Variants in BTRC observed in about 807,000 individuals in gnomAD.
BTRC encodes beta-transducin repeat containing E3 ubiquitin protein ligase, also known as F-box/WD repeat-containing protein 1A.
A neutral mutation model predicts 85.5 loss-of-function variants in BTRC; 42 were observed. The observed-to-expected ratio is 0.49, with a 90% CI of 0.38 to 0.64. The LOEUF (loss-of-function observed/expected upper bound fraction) is 0.64, where lower values mean the gene tolerates loss of function less well. BTRC is among the 30% of genes least tolerant of loss of function. The probability of loss-of-function intolerance (pLI) is 0.00; values close to 1 mark genes in which losing one functional copy is unlikely to be tolerated. For synonymous variants in BTRC, 255 were observed against 263.3 expected, an observed-to-expected ratio of 0.97 and a Z score of 0.30; for missense variants, 594 against 743.5, an observed-to-expected ratio of 0.80 and a Z score of 2.34.
intron 1 of BTRC, among the ~76,000 whole-genome samples, chr10:101,392,672 T>C (rs1211677383): frequency 6.6e-6 from 1 of 151,980 alleles, no homozygotes; most frequent in African/African-American, 2.4e-5. Flanking sequence ...GCTAATTTTT[T>C]TGTAGTTTTA....
chr10:101,363,726 G>C (rs1942282158), intron 1 of BTRC, among the ~76,000 whole-genome samples: 1 of 152,138 alleles, frequency 6.6e-6, no homozygotes, highest in South Asian at 2.1e-4. Context: ...CTTTGTAGAA[G>C]AAAGCTTCAT....
chr10:101,366,465 A>G (rs1249555323), intron 1 of BTRC, among the ~76,000 whole-genome samples: 1 of 152,100 alleles, frequency 6.6e-6, no homozygotes, highest in Non-Finnish European at 1.5e-5. Flanking sequence ...ATAGAATTTA[A>G]GAGAGGCGAC....
intron 3 of BTRC, among the ~76,000 whole-genome samples, chr10:101,468,257 A>G (rs903554482): frequency 6.6e-6 from 1 of 152,208 alleles, no homozygotes; most frequent in East Asian, 1.9e-4. Flanking sequence ...TGCAATGACC[A>G]TAAAGAGTGT....
intron 1 of BTRC, among the ~76,000 whole-genome samples, chr10:101,398,347 C>T (rs1366673572): frequency 6.6e-6 from 1 of 151,550 alleles, no homozygotes; most frequent in Non-Finnish European, 1.5e-5. Flanking sequence ...CTTGCTCTGT[C>T]GCTGGAGTAC....
chr10:101,503,160 T>A (rs1411990157), intron 4 of BTRC, among the ~76,000 whole-genome samples: 6 of 152,188 alleles, frequency 3.9e-5, no homozygotes, highest in Admixed American at 3.9e-4. Flanking sequence ...TATGATTTTT[T>A]AATGATATTC....
chr10:101,526,137 G>A lies in BTRC; in HGVS notation c.681G>A (p.Lys227=). ...CCTCTGATGGCATGCTGTGGAAGAAGCTTATCGAGAGAATGGTCAGGACAG... is the reference window on the plus strand; with the variant it reads ...CCTCTGATGGCATGCTGTGGAAGAAACTTATCGAGAGAATGGTCAGGACAG... ...RVTSDGMLWK[K]LIERMVRTDS... is the part of the protein sequence containing the mutation. The change falls in exon 6 of 15, where the codon AAG becomes AAA. Residue 227 remains lysine, a synonymous_variant. Coordinates refer to ENST00000370187, the MANE Select transcript of BTRC (RefSeq NM_033637.4). 6.2e-7 allele frequency: 1 copy of A among 1,614,194 alleles called. No individual in the cohort carries two copies.
chr10:101,440,919 CCTTA>C (rs1276994543), intron 2 of BTRC, among the ~76,000 whole-genome samples: 1 of 151,988 alleles, frequency 6.6e-6, no homozygotes, highest in Admixed American at 6.6e-5. Flanking sequence ...AGATTTTTGT[CCTTA>C]CTTAAAAATA....
chr10:101,394,046 A>G (rs1466721077), intron 1 of BTRC, among the ~76,000 whole-genome samples: 1 of 152,214 alleles, frequency 6.6e-6, no homozygotes, highest in African/African-American at 2.4e-5. Flanking sequence ...TAATTAAATG[A>G]TAGATTTTAT....
intron 1 of BTRC, among the ~76,000 whole-genome samples, chr10:101,418,341 C>A (rs530115717): frequency 6.6e-6 from 1 of 151,832 alleles, no homozygotes; most frequent in Non-Finnish European, 1.5e-5. Flanking sequence ...GCACTCCAGC[C>A]TGGGTGACAG....
chr10:101,475,067 T>C (rs1235750951), intron 3 of BTRC, among the ~76,000 whole-genome samples: 2 of 152,224 alleles, frequency 1.3e-5, no homozygotes, highest in Non-Finnish European at 2.9e-5. Flanking sequence ...AGTAAATGTT[T>C]GTGGAATTAG....
At chr10:101,426,733 A>G (rs969168721) in intron 1 of BTRC, among the ~76,000 whole-genome samples, 2 of 152,208 alleles carry the variant, frequency 1.3e-5, no homozygotes, top group Admixed American at 1.3e-4. Flanking sequence ...AGCATTCACA[A>G]AAATAAATAT....
chr10:101,519,115 G>C (rs1480396609), intron 4 of BTRC, among the ~76,000 whole-genome samples: 2 of 132,958 alleles, frequency 1.5e-5, no homozygotes, highest in African/African-American at 5.6e-5. Context: ...TTTCGCTCTC[G>C]TTGCCCAGGC....
At chr10:101,371,481 A>AT (rs1421013188) in intron 1 of BTRC, among the ~76,000 whole-genome samples, 2 of 152,024 alleles carry the variant, frequency 1.3e-5, no homozygotes, top group East Asian at 1.9e-4. Context: ...CCAGCCTTCT[A>AT]TTTTTTTTCC....
At chr10:101,391,529 A>G (rs1420168135) in intron 1 of BTRC, among the ~76,000 whole-genome samples, 3 of 152,230 alleles carry the variant, frequency 2.0e-5, no homozygotes, top group Admixed American at 1.3e-4. Context: ...TTCGTAGTTC[A>G]GCCTTCCCAA....
intron 10 of BTRC, 151 bp downstream of exon 10, chr10:101,535,061 T>G: frequency 1.1e-6 from 1 of 935,440 alleles, no homozygotes; most frequent in Non-Finnish European, 1.6e-6. Context: ...GTGTAATAAG[T>G]GAGACGTTGT....
At chr10:101,383,497 T>TTTTCTTCCTTTCTTCTTTTC (rs960782925) in intron 1 of BTRC, among the ~76,000 whole-genome samples, 1 of 152,148 alleles carries the variant, frequency 6.6e-6, no homozygotes, top group Non-Finnish European at 1.5e-5. Context: ...ATTTGGACCG[T>TTTTCTTCCTTTCTTCTTTTC]TTTCTTCCTT....
intron 7 of BTRC, 59 bp downstream of exon 7, chr10:101,531,392 A>C (rs1304235795): frequency 7.7e-7 from 1 of 1,302,320 alleles, no homozygotes; most frequent in Non-Finnish European, 1.1e-6. Context: ...AGCATTCTTC[A>C]GTCACAGTAT....
chr10:101,393,705 G>A (rs1943293650), intron 1 of BTRC, among the ~76,000 whole-genome samples: 1 of 151,588 alleles, frequency 6.6e-6, no homozygotes, highest in Non-Finnish European at 1.5e-5. Context: ...TATGAGAGTA[G>A]TGGAAAAACA....
At chr10:101,537,169 G>A (rs892624684) in intron 12 of BTRC, among the ~76,000 whole-genome samples, 1 of 152,044 alleles carries the variant, frequency 6.6e-6, no homozygotes, top group Non-Finnish European at 1.5e-5. Context: ...ATTTCTAGTG[G>A]TTATGGAATC....
Sources: allele counts gnomAD v4.1 joint callset (sites outside exome capture counted in the v4.1 genomes callset), GRCh38; gene constraint gnomAD v4.1.1; transcripts MANE v1.5; gene names NCBI Gene and HGNC (gene_info 2026-07-23, HGNC 2026-07-21).